Variants in TPM2 observed in about 807,000 individuals in gnomAD.
TPM2 encodes the protein tropomyosin 2.
Under a neutral mutation model 41.0 loss-of-function variants are expected in TPM2, and 26 were observed. The observed-to-expected ratio is 0.63, with a 90% CI of 0.46 to 0.88. The LOEUF (loss-of-function observed/expected upper bound fraction) is 0.88. Among genes scored for constraint, TPM2 ranks in the 40% least tolerant of loss-of-function variants. The pLI, the probability that TPM2 is intolerant of heterozygous loss-of-function variation, is 0.00. For missense variants in TPM2, 187 were observed against 355.2 expected (o/e 0.53, Z 3.81); for synonymous variants, 143 against 139.3 (o/e 1.03, Z -0.19).
intron 2 of TPM2, among the ~76,000 whole-genome samples, chr9:35,688,710 C>G (rs1825078480): frequency 6.6e-6 from 1 of 152,130 alleles, no homozygotes; most frequent in Admixed American, 6.5e-5. Flanking sequence ...GGTTGTAACT[C>G]AAGTGGGGTC....
downstream of TPM2, chr9:35,682,063 T>C: frequency 6.2e-7 from 1 of 1,613,914 alleles, no homozygotes; most frequent in Non-Finnish European, 8.5e-7. Context: ...ATAGCCTGGC[T>C]GGGGGTGGGG....
intron 2 of TPM2, among the ~76,000 whole-genome samples, chr9:35,686,016 C>G (rs1268988754): frequency 1.3e-5 from 2 of 152,106 alleles, no homozygotes; most frequent in Non-Finnish European, 2.9e-5. Context: ...TCTGGGAGGC[C>G]GAGGCGGGTG....
At position 35,684,820 on chromosome 9, in the gene TPM2, T is replaced by G. The variant is rs755742603; in HGVS notation, c.564-13A>C. The stretch of plus-strand genomic sequence containing the variant: ...GTCCCCACATTTACTGCAGGGGGTG[T>G]GTGGCGGGGGGGGCAGGGTGTGAGG... On this transcript the variant is annotated splice_polypyrimidine_tract_variant and intron_variant, in intron 5 of 8. Coordinates refer to ENST00000645482, the MANE Select transcript of TPM2 (RefSeq NM_003289.4). 2.0e-5 allele frequency: 30 copies of G among 1,533,002 alleles called. No individual in the cohort carries two copies. In the East Asian group the frequency reaches 5.2e-4, roughly 26 times the overall value. The allele number at this position is 1,533,002 out of a possible 1,614,324, so 95.0% of individuals were successfully genotyped here.
chr9:35,684,813 G>A lies in TPM2; in HGVS notation c.564-6C>T. On this transcript the variant is annotated splice_region_variant and splice_polypyrimidine_tract_variant and intron_variant, in intron 5 of 8. Coordinates refer to ENST00000645482, the MANE Select transcript of TPM2 (RefSeq NM_003289.4). ...CCTCTAGGTCCCCACATTTACTGCA[G>A]GGGGTGTGTGGCGGGGGGGGCAGGG... 1 of 1,566,520 alleles carries A rather than the reference G, an allele frequency of 6.4e-7. No individual in the cohort carries two copies. Among genetic ancestry groups the A allele is most frequent in the Non-Finnish European group, 8.6e-7 (1 of 1,160,904 alleles).
Position 35,685,163 on chromosome 9 carries a change from G to T in TPM2, c.563+106C>A, listed in dbSNP as rs1176657040. The T allele has an allele frequency of 6.2e-7, 1 of 1,614,188 alleles. No homozygotes were observed. Among genetic ancestry groups the T allele is most frequent in the Non-Finnish European group, 8.5e-7 (1 of 1,180,032 alleles). ...GGCTGGGGGCAGCGGGCAGGGGTCAGAGAACAGGGCCTGTCCCTACAGCCC... is the reference window on the plus strand; with the variant it reads ...GGCTGGGGGCAGCGGGCAGGGGTCATAGAACAGGGCCTGTCCCTACAGCCC... On this transcript the variant is annotated intron_variant, in intron 5 of 8. Coordinates refer to ENST00000645482, the MANE Select transcript of TPM2 (RefSeq NM_003289.4). This position sits in a 1 kb window ranked among gnomAD's most constrained non-coding sequence, Gnocchi z 5.0.
downstream of TPM2, chr9:35,682,440 A>T: frequency 7.7e-7 from 1 of 1,297,416 alleles, no homozygotes; most frequent in Non-Finnish European, 1.0e-6. Flanking sequence ...TAGAAGGTTT[A>T]AGGAAGTTGG....
chr9:35,682,114 C>T, downstream of TPM2: 1 of 1,614,122 alleles, frequency 6.2e-7, no homozygotes, highest in Admixed American at 1.7e-5. Context: ...GGGTCTGGTC[C>T]AAGGTCTGGT....
chr9:35,684,775 A>G lies in TPM2; in HGVS notation c.596T>C (p.Ile199Thr). The G allele has an allele frequency of 6.2e-7, 1 of 1,612,504 alleles. No homozygotes were observed. The highest frequency in any genetic ancestry group is 8.5e-7 in the Non-Finnish European group (1 of 1,179,670). Residue 199 changes from isoleucine to threonine, a missense_variant, in exon 6 of 9, where the codon ATT becomes ACT. Ile to Thr is a moderately conservative substitution (Grantham distance 89). Coordinates refer to ENST00000645482, the MANE Select transcript of TPM2 (RefSeq NM_003289.4). ...CAGGGATTTCAAGTTGTTGGTAACA[A>G]TTTTCAGCTCCTCCTCTAGGTCCCC... is the stretch of plus-strand genomic sequence containing the variant. ...KCGDLEEELK[I>T]VTNNLKSLEA...
downstream of TPM2, chr9:35,682,597 C>T (rs1370992890): frequency 2.3e-5 from 29 of 1,256,654 alleles, no homozygotes; most frequent in East Asian, 5.6e-5. Context: ...CCTTTTGCAA[C>T]CTTCTTGCCC....
rs1824844869 is a variant in TPM2, at chr9:35,685,446, G to A, written c.480C>T (p.Arg160=). ...EAKHIAEDSD[R]KYEEVARKLV... ...GCAAGGCTGTCACCTCTTCATATTT[G>A]CGGTCTGAATCCTCAGCGATGTGCT... The change falls in exon 4 of 9, where the codon CGC becomes CGT. Residue 160 remains arginine (R), a synonymous_variant. Coordinates refer to ENST00000645482, the MANE Select transcript of TPM2 (RefSeq NM_003289.4). The surrounding 1 kb of genome is among the most constrained non-coding windows in gnomAD (Gnocchi z 5.0). 2 of 1,614,214 alleles carry A rather than the reference G, an allele frequency of 1.2e-6. No individual in the cohort carries two copies. Among genetic ancestry groups the A allele is most frequent in the South Asian group, 1.1e-5 (1 of 91,090 alleles).
intron 2 of TPM2, among the ~76,000 whole-genome samples, chr9:35,688,296 G>A (rs1003595789): frequency 8.5e-5 from 13 of 152,170 alleles, no homozygotes; most frequent in South Asian, 2.1e-4. Context: ...TGTCATCTCT[G>A]ATGTTCAGAC....
Position 35,685,052 on chromosome 9 carries a change from A to C in TPM2, c.563+217T>G, listed in dbSNP as rs2131850977. ...GGCGCCATTGCCCAGAAAGGTTCAG[A>C]GGGGTCACTACCTCCTCCTCTGAGG... On this transcript the variant is annotated intron_variant, in intron 5 of 8. Transcript: ENST00000645482. This position sits in a 1 kb window ranked among gnomAD's most constrained non-coding sequence, Gnocchi z 5.0. 1 of 1,614,124 alleles carries C rather than the reference A, an allele frequency of 6.2e-7. No individual in the cohort carries two copies. The highest frequency in any genetic ancestry group is 8.5e-7 in the Non-Finnish European group (1 of 1,180,020).
intron 1 of TPM2, 96 bp from the exon 2 acceptor site, chr9:35,689,367 CT>C (rs1180291252): frequency 6.4e-7 from 1 of 1,568,708 alleles, no homozygotes; most frequent in African/African-American, 1.4e-5. Context: ...GATTTGGAGG[CT>C]ACTGGGATGG....
rs1057524292 is a variant in TPM2 at position 35,684,259 on chromosome 9, G to A, written c.759C>T (p.Ile253=). Residue 253 remains isoleucine (I), a synonymous_variant, in exon 8 of 9, where the codon ATC becomes ATT. Transcript: ENST00000645482. The part of the protein sequence containing the change: ...ERSVAKLEKT[I]DDLEDEVYAQ... ...GGCTTCTTTTACCTTCTAGGTCATC[G>A]ATGGTTTTCTCCAACTTTGCCACAG... 1.4e-5 allele frequency: 23 copies of A among 1,614,038 alleles called. No individual in the cohort carries two copies. The highest frequency in any genetic ancestry group is 6.7e-5 in the East Asian group (3 of 44,898).
chr9:35,682,482 A>G (rs924515975), downstream of TPM2: 31 of 1,298,888 alleles, frequency 2.4e-5, no homozygotes, highest in Non-Finnish European at 3.0e-5. Context: ...CTGCGCCAGG[A>G]AAGGAAGGGC....
chr9:35,687,953 T>C (rs981498150), intron 2 of TPM2, among the ~76,000 whole-genome samples: 2 of 151,868 alleles, frequency 1.3e-5, no homozygotes, highest in Non-Finnish European at 1.5e-5. Context: ...TGAGGCACCA[T>C]GTAAGTTGAG....
chr9:35,689,678 C>T (rs1825144285), intron 1 of TPM2, 26 bp downstream of exon 1: 1 of 1,610,698 alleles, frequency 6.2e-7, no homozygotes, highest in Non-Finnish European at 8.5e-7. Context: ...GCGGGGAGAG[C>T]AGGCTGCACT....
In TPM2 at chr9:35,685,878, G is replaced by C. The variant is rs1824876439; in HGVS notation, c.241-98C>G. 1 of 1,583,172 alleles carries C rather than the reference G, an allele frequency of 6.3e-7. No homozygotes were observed. The highest frequency in any genetic ancestry group is 1.7e-5 in the Admixed American group (1 of 59,214). ...GGCGAGATTCTTCTCAGAAAGAACT[G>C]AGGCTTCCTGGTTTCTAGACATTCT... On this transcript the variant is annotated intron_variant, in intron 2 of 8. Transcript: ENST00000645482. This position sits in a 1 kb window ranked among gnomAD's most constrained non-coding sequence, Gnocchi z 5.0.
chr9:35,685,764 G>A lies in TPM2; in HGVS notation c.257C>T (p.Ala86Val). 1 of 1,614,196 alleles carries A rather than the reference G, an allele frequency of 6.2e-7. No homozygotes were observed. Among genetic ancestry groups the A allele is most frequent in the Non-Finnish European group, 8.5e-7 (1 of 1,180,042 alleles). ...KKATDAEADV[A>V]SLNRRIQLVE... ...CAGCTGAATGCGGCGGTTCAGGGAG[G>A]CCACATCTGCCTCAGCCTGTGGGTC... The change falls in exon 3 of 9, where the codon GCC becomes GTC. Residue 86 changes from alanine to valine, a missense_variant. Physicochemically the swap from Ala to Val is moderately conservative, Grantham distance 64. Transcript: ENST00000645482. This position sits in a 1 kb window ranked among gnomAD's most constrained non-coding sequence, Gnocchi z 5.0.
Sources: gnomAD v4.1 joint callset for allele counts (sites outside exome capture counted in the v4.1 genomes callset) on GRCh38, gnomAD v4.1.1 for gene constraint, Gnocchi (gnomAD v3.1) non-coding constraint, MANE v1.5 for transcripts, NCBI Gene and HGNC (gene_info 2026-07-23, HGNC 2026-07-21) for gene names.